The following ATP13A3 variants were observed in gnomAD, a reference collection of about 807,000 sequenced individuals.
ATP13A3 encodes ATPase 13A3.
In ATP13A3, 59 loss-of-function variants were observed where a neutral mutation model predicts 158.1. The observed-to-expected ratio is 0.37, with a 90% CI of 0.30 to 0.46. The LOEUF (loss-of-function observed/expected upper bound fraction) is 0.46. ATP13A3 is among the 20% of genes least tolerant of loss of function. The pLI is 1.00. For missense variants in ATP13A3, 1,166 were observed against 1,525.2 expected, an observed-to-expected ratio of 0.76 and a Z score of 3.92; for synonymous variants, 491 against 504.3, an observed-to-expected ratio of 0.97 and a Z score of 0.35.
At chr3:194,406,421 A>G (rs920066670) in intron 33 of ATP13A3, among the ~76,000 whole-genome samples, 1 of 152,184 alleles carries the variant, frequency 6.6e-6, no homozygotes, top group African/African-American at 2.4e-5. Context: ...TTGTAAGGGC[A>G]GCTTTCAATT....
chr3:194,488,870 T>C (rs78123413), upstream of ATP13A3: 2 of 152,218 alleles, frequency 1.3e-5, no homozygotes, highest in Non-Finnish European at 2.9e-5. The surrounding 1 kb of genome is among the most constrained non-coding windows in gnomAD (Gnocchi z 4.1). Flanking sequence ...GCTCCCAAAT[T>C]AGCAATTTCC....
At chr3:194,464,983 AGGGAAGG>A (rs1719902711) in intron 2 of ATP13A3, among the ~76,000 whole-genome samples, 1 of 151,688 alleles carries the variant, frequency 6.6e-6, no homozygotes, top group African/African-American at 2.4e-5. Flanking sequence ...ATGCTTCCTC[AGGGAAGG>A]ATTACTTCAC....
At chr3:194,461,104 AT>A (rs1417709589) in intron 3 of ATP13A3, among the ~76,000 whole-genome samples, 2 of 152,170 alleles carry the variant, frequency 1.3e-5, no homozygotes, top group Non-Finnish European at 2.9e-5. Context: ...GTAAATTCAT[AT>A]TTAGTACACT....
chr3:194,485,741 T>C (rs1720940120), intron 2 of ATP13A3, 53 bp downstream of exon 2: 1 of 152,216 alleles, frequency 6.6e-6, no homozygotes, highest in South Asian at 2.1e-4. Context: ...CCACTAAATA[T>C]AGCTCTAAGA....
intron 30 of ATP13A3, among the ~76,000 whole-genome samples, chr3:194,423,754 T>C (rs1210927796): frequency 3.3e-5 from 5 of 152,210 alleles, no homozygotes; most frequent in African/African-American, 1.2e-4. Flanking sequence ...GAAAACAAAA[T>C]TTCTTAAACC....
intron 33 of ATP13A3, among the ~76,000 whole-genome samples, chr3:194,406,603 T>C (rs1714954216): frequency 6.6e-6 from 1 of 152,216 alleles, no homozygotes; most frequent in Non-Finnish European, 1.5e-5. Flanking sequence ...CTTTAAGCCA[T>C]TCAGAAAGAG....
chr3:194,426,677 G>T (rs543926775), intron 29 of ATP13A3, among the ~76,000 whole-genome samples: 4 of 152,270 alleles, frequency 2.6e-5, no homozygotes, highest in Admixed American at 6.5e-5. Context: ...GCCAAATTAT[G>T]TAAGTGTTTA....
chr3:194,449,643 C>G (rs1205012571), intron 11 of ATP13A3, among the ~76,000 whole-genome samples: 1 of 151,686 alleles, frequency 6.6e-6, no homozygotes, highest in Non-Finnish European at 1.5e-5. Flanking sequence ...CACCACTGCT[C>G]TCCATCCTGG....
intron 27 of ATP13A3, among the ~76,000 whole-genome samples, chr3:194,429,356 G>A (rs1717048945): frequency 1.3e-5 from 2 of 152,144 alleles, no homozygotes; most frequent in African/African-American, 4.8e-5. Flanking sequence ...ACGGTCAAAT[G>A]GGATAGTGTC....
intron 21 of ATP13A3, among the ~76,000 whole-genome samples, chr3:194,432,980 T>C (rs984917490): frequency 1.3e-5 from 2 of 151,944 alleles, no homozygotes; most frequent in Non-Finnish European, 2.9e-5. Flanking sequence ...TAATAAACAA[T>C]ATCTTACATA....
In ATP13A3 at chr3:194,435,622, T is replaced by C. The variant is rs34050379; in HGVS notation, c.2120+1473A>G. Among the ~76,000 whole-genome samples the C allele has an allele frequency of 4.0e-3, 610 of 152,066 alleles. 2 individuals carry two copies. The highest frequency in any genetic ancestry group is 8.4e-3 in the Admixed American group (128 of 15,270). The stretch of plus-strand genomic sequence containing the variant: ...CTCAAGATGACACACCTAACAACTA[T>C]AGGCAGCCGGGTGCAGTGGCTCACG... On this transcript the variant is annotated intron_variant, in intron 20 of 33. Coordinates refer to ENST00000645319, the MANE Select transcript of ATP13A3 (RefSeq NM_001367549.1).
At chr3:194,443,752 G>A (rs1163881008) in intron 15 of ATP13A3, among the ~76,000 whole-genome samples, 1 of 152,016 alleles carries the variant, frequency 6.6e-6, no homozygotes, top group Non-Finnish European at 1.5e-5. Flanking sequence ...AACTACAGGA[G>A]TAAAACTTCT....
At chr3:194,489,987 C>G (rs990886458), upstream of ATP13A3, among the ~76,000 whole-genome samples, 13 of 152,250 alleles carry the variant, frequency 8.5e-5, no homozygotes, top group East Asian at 3.9e-4. This position sits in a 1 kb window ranked among gnomAD's most constrained non-coding sequence, Gnocchi z 4.1. Flanking sequence ...CTGCTTCCCC[C>G]CTCTGATCCT....
At position 194,406,319 on chromosome 3, in the gene ATP13A3, T is replaced by C. The variant is rs553584288; in HGVS notation, c.3574-203A>G. On this transcript the variant is annotated intron_variant, in intron 33 of 33. Coordinates refer to ENST00000645319, the MANE Select transcript of ATP13A3 (RefSeq NM_001367549.1). ...GTGGCTCATGTCCGAAATCCCAGCA[T>C]CTTGGGAGGTCGAGGTGGGAGGACT... Among the ~76,000 whole-genome samples, 4 of 152,096 alleles carry C rather than the reference T, an allele frequency of 2.6e-5. No individual in the cohort carries two copies. In the South Asian group the frequency reaches 8.3e-4, roughly 32 times the overall value.
intron 2 of ATP13A3, among the ~76,000 whole-genome samples, chr3:194,475,792 G>A (rs931192998): frequency 2.0e-5 from 3 of 152,014 alleles, no homozygotes; most frequent in Non-Finnish European, 2.9e-5. Flanking sequence ...CAATAGTGAC[G>A]CCTGTATGGG....
chr3:194,415,916 T>C (rs1002582378), intron 31 of ATP13A3, among the ~76,000 whole-genome samples: 1 of 152,152 alleles, frequency 6.6e-6, no homozygotes, highest in African/African-American at 2.4e-5. Flanking sequence ...TTAAGTTATA[T>C]AACTTTAAGA....
rs1194933792 is a variant in ATP13A3, at chr3:194,419,963, A to G, written c.3318T>C (p.Phe1106=). ...PFRQPCYKNY[F]FVFSVIFLYI... ...ATAAAAAAATCACAGAAAAAACAAAAAAATCTGGAAAAGACAGCAAAAGTA... is the reference window on the plus strand; with the variant it reads ...ATAAAAAAATCACAGAAAAAACAAAGAAATCTGGAAAAGACAGCAAAAGTA... The change falls in exon 31 of 34, where the codon TTT becomes TTC. Residue 1106 remains phenylalanine (F), a synonymous_variant. Transcript: ENST00000645319. 7.8e-6 allele frequency: 12 copies of G among 1,528,996 alleles called. No individual in the cohort carries two copies. The highest frequency in any genetic ancestry group is 1.0e-5 in the Non-Finnish European group (12 of 1,149,196). 94.7% of individuals were successfully genotyped at this position (1,528,996 alleles called of 1,614,324 possible).
chr3:194,434,270 C>T (rs904310026), intron 20 of ATP13A3, among the ~76,000 whole-genome samples: 1 of 152,184 alleles, frequency 6.6e-6, no homozygotes, highest in African/African-American at 2.4e-5. Context: ...ATACAGTTTT[C>T]GTGGATTCAT....
At chr3:194,483,426 C>CAAAA (rs1228588078) in intron 2 of ATP13A3, among the ~76,000 whole-genome samples, 1 of 120,392 alleles carries the variant, frequency 8.3e-6, no homozygotes. Flanking sequence ...CCCACCTCTA[C>CAAAA]AAAAAAAAAA....
Sources: allele counts gnomAD v4.1 joint callset (sites outside exome capture counted in the v4.1 genomes callset), GRCh38; gene constraint gnomAD v4.1.1; non-coding constraint Gnocchi (gnomAD v3.1); transcripts MANE v1.5; gene names NCBI Gene and HGNC (gene_info 2026-07-23, HGNC 2026-07-21).